CYP39A1: variants seen among roughly 807,000 people sequenced by gnomAD.
The protein encoded by CYP39A1 is cytochrome P450 family 39 subfamily A member 1, also known as 24-hydroxycholesterol 7-alpha-hydroxylase.
In CYP39A1, 49 loss-of-function variants were observed where a neutral mutation model predicts 58.1. The observed-to-expected ratio is 0.84, with a 90% CI of 0.67 to 1.07. CYP39A1 has a LOEUF of 1.07. Ranked by LOEUF, CYP39A1 falls within the 50% of genes least tolerant of loss-of-function variation. The pLI is 0.00. For missense variants in CYP39A1, 531 were observed against 539.4 expected (o/e 0.98, Z 0.16); for synonymous variants, 209 against 187.6 (o/e 1.11, Z -0.93).
rs369055285 is a variant in CYP39A1, at chr6:46,563,243, G to C, written c.1251-9389C>G. On this transcript the variant is annotated intron_variant, in intron 10 of 11. Transcript: ENST00000275016. The stretch of plus-strand genomic sequence containing the variant: ...GAAAGCTTTTTATGTCAAAGAAAAC[G>C]GGCCTTGTAAATTCGTATTTTTACA... 3.4e-4 allele frequency among the ~76,000 whole-genome samples: 51 copies of C among 152,090 alleles called. No individual in the cohort carries two copies. In the East Asian group the frequency reaches 6.8e-3, roughly 20 times the overall value.
chr6:46,578,435 A>T (rs966520595), intron 10 of CYP39A1, among the ~76,000 whole-genome samples: 1 of 151,958 alleles, frequency 6.6e-6, no homozygotes, highest in African/African-American at 2.4e-5. Context: ...GAGTTGACCA[A>T]AACTGAGATG....
At chr6:46,556,473 A>C (rs1770669781) in intron 10 of CYP39A1, among the ~76,000 whole-genome samples, 1 of 152,182 alleles carries the variant, frequency 6.6e-6, no homozygotes, top group Non-Finnish European at 1.5e-5. Context: ...TGATCTCTGC[A>C]TGTGTGAGAG....
At chr6:46,572,717 G>A (rs9349368) in intron 10 of CYP39A1, among the ~76,000 whole-genome samples, 30,372 of 151,882 alleles carry the variant, frequency 0.2, 3,148 homozygotes, top group African/African-American at 0.21. Context: ...CTCAGGGTTC[G>A]GGAAAATTTG....
intron 10 of CYP39A1, among the ~76,000 whole-genome samples, chr6:46,573,689 C>G (rs1188033481): frequency 6.6e-6 from 1 of 152,094 alleles, no homozygotes; most frequent in Admixed American, 6.5e-5. Flanking sequence ...AACATCAGAG[C>G]CAGAGTCCTG....
intron 10 of CYP39A1, among the ~76,000 whole-genome samples, chr6:46,585,741 C>A (rs1310728203): frequency 1.3e-5 from 2 of 152,100 alleles, no homozygotes; most frequent in African/African-American, 2.4e-5. Flanking sequence ...AGGAAGTAGA[C>A]AAGCTCCTCA....
At chr6:46,602,409 G>A (rs1773566882) in intron 7 of CYP39A1, among the ~76,000 whole-genome samples, 3 of 152,132 alleles carry the variant, frequency 2.0e-5, no homozygotes, top group South Asian at 2.1e-4. Flanking sequence ...AGATTGCAGG[G>A]ATCCAAAAGT....
At chr6:46,564,432 G>A (rs1271049557) in intron 10 of CYP39A1, among the ~76,000 whole-genome samples, 1 of 152,152 alleles carries the variant, frequency 6.6e-6, no homozygotes, top group Admixed American at 6.6e-5. Context: ...CTAACCTCAA[G>A]TGATCCGCCC....
chr6:46,625,404 A>G lies in CYP39A1; in HGVS notation c.931+14T>C, dbSNP rs777974367. 8.3e-6 allele frequency: 13 copies of G among 1,575,604 alleles called. No individual in the cohort carries two copies. The highest frequency in any genetic ancestry group is 1.1e-5 in the Non-Finnish European group (13 of 1,154,304). On this transcript the variant is annotated intron_variant, in intron 7 of 11. Coordinates refer to ENST00000275016, the MANE Select transcript of CYP39A1 (RefSeq NM_016593.5). ...ATTATTAGCTGTGTCTTCCTATATA[A>G]TAAGGTTTAGTACCTGCTTTGCCAA...
At chr6:46,611,210 G>T (rs1240058787) in intron 7 of CYP39A1, among the ~76,000 whole-genome samples, 1 of 152,204 alleles carries the variant, frequency 6.6e-6, no homozygotes, top group African/African-American at 2.4e-5. Flanking sequence ...GCATGTGAAG[G>T]ATTTAGGATA....
intron 10 of CYP39A1, among the ~76,000 whole-genome samples, chr6:46,572,113 T>G (rs952832561): frequency 6.6e-6 from 1 of 152,158 alleles, no homozygotes; most frequent in African/African-American, 2.4e-5. Flanking sequence ...CTTTTTATAT[T>G]ATCTATCTCT....
At chr6:46,647,917 T>C (rs1762430052) in intron 1 of CYP39A1, among the ~76,000 whole-genome samples, 1 of 152,132 alleles carries the variant, frequency 6.6e-6, no homozygotes, top group South Asian at 2.1e-4. Context: ...TTTCCCATTC[T>C]GTATCACTGG....
intron 1 of CYP39A1, among the ~76,000 whole-genome samples, chr6:46,651,727 A>T (rs936284568): frequency 4.6e-5 from 7 of 152,206 alleles, no homozygotes; most frequent in Non-Finnish European, 1.0e-4. Context: ...ATTATAATTC[A>T]TAAGAATAAT....
chr6:46,572,601 C>G (rs1387411972), intron 10 of CYP39A1, among the ~76,000 whole-genome samples: 2 of 152,032 alleles, frequency 1.3e-5, no homozygotes, highest in African/African-American at 4.8e-5. Flanking sequence ...ATTTCTTTGT[C>G]TTTGACTTTT....
rs533116971 is a variant in CYP39A1 at position 46,643,862 on chromosome 6, G to A, written c.178-1564C>T. On this transcript the variant is annotated intron_variant, in intron 1 of 11. Coordinates refer to ENST00000275016, the MANE Select transcript of CYP39A1 (RefSeq NM_016593.5). ...GCCTCGGTGTTACGAAGTACAGGCA[G>A]GCACACACGGTATGTTGTAGAAGTG... is the stretch of plus-strand genomic sequence containing the variant. Among the ~76,000 whole-genome samples the A allele has an allele frequency of 5.3e-5, 8 of 152,234 alleles. 3 individuals are homozygous for A. The highest frequency in any genetic ancestry group is 1.9e-4 in the African/African-American group (8 of 41,550).
chr6:46,648,543 T>G (rs1056904608), intron 1 of CYP39A1, among the ~76,000 whole-genome samples: 48 of 135,160 alleles, frequency 3.6e-4, no homozygotes, highest in Non-Finnish European at 9.6e-5. Context: ...GGGGGAGGGA[T>G]AGCATTAGGA....
At chr6:46,570,675 T>C (rs955042605) in intron 10 of CYP39A1, among the ~76,000 whole-genome samples, 1 of 152,084 alleles carries the variant, frequency 6.6e-6, no homozygotes, top group Non-Finnish European at 1.5e-5. Flanking sequence ...AGGCTTACAG[T>C]CATGGAAGAA....
Position 46,625,425 on chromosome 6 carries a change from GC to G in CYP39A1, c.923del (p.Gly308AlafsTer20). The G allele has an allele frequency of 6.2e-7, 1 of 1,604,628 alleles. No homozygotes were observed. Among genetic ancestry groups the G allele is most frequent in the South Asian group, 1.1e-5 (1 of 89,232 alleles). ...AIMEGISSVF[G>X]KAGKDKIKVS... ...TATAATAAGGTTTAGTACCTGCTTTGCCAAACACAGAAGATATGCCTTCCAT... is the reference window on the plus strand; with the variant it reads ...TATAATAAGGTTTAGTACCTGCTTTGCAAACACAGAAGATATGCCTTCCAT... On this transcript the variant is annotated frameshift_variant, in exon 7 of 12. Coordinates refer to ENST00000275016, the MANE Select transcript of CYP39A1 (RefSeq NM_016593.5). LOFTEE classifies it high-confidence loss of function.
chr6:46,632,471 T>C (rs1258082358), intron 5 of CYP39A1, among the ~76,000 whole-genome samples: 3 of 152,140 alleles, frequency 2.0e-5, no homozygotes, highest in African/African-American at 4.8e-5. Flanking sequence ...TCAGGTTTTT[T>C]TTTTTTCTTA....
intron 10 of CYP39A1, 92 bp from the exon 11 acceptor site, chr6:46,553,946 G>A: frequency 1.2e-6 from 1 of 804,016 alleles, no homozygotes. Flanking sequence ...ATATTTCAGA[G>A]TAAACATGCT....
Sources: allele counts gnomAD v4.1 joint callset (sites outside exome capture counted in the v4.1 genomes callset), GRCh38; gene constraint gnomAD v4.1.1; transcripts MANE v1.5; gene names NCBI Gene and HGNC (gene_info 2026-07-23, HGNC 2026-07-21).